The following GAST variants were observed in gnomAD, a reference collection of about 807,000 sequenced individuals.
The protein encoded by GAST is preprogastrin.
In GAST, 9 loss-of-function variants were observed where a neutral mutation model predicts 12.5. The observed-to-expected ratio is 0.72, with a 90% CI of 0.43 to 1.25. The LOEUF is 1.25. Ranked by LOEUF, GAST falls within the 50% of genes most tolerant of loss-of-function variation. The pLI, the probability that GAST is intolerant of heterozygous loss-of-function variation, is 0.00. For synonymous variants in GAST, 52 were observed against 51.1 expected, an observed-to-expected ratio of 1.02 and a Z score of -0.08; for missense variants, 121 against 127.7, an observed-to-expected ratio of 0.95 and a Z score of 0.25.
At chr17:41,713,572 T>G (rs1027138702) in intron 1 of GAST, among the ~76,000 whole-genome samples, 21 of 152,062 alleles carry the variant, frequency 1.4e-4, no homozygotes, top group Admixed American at 3.9e-4. Flanking sequence ...TAGTGCACAC[T>G]TGTAGTCCCA....
chr17:41,715,523 G>T lies in GAST; in HGVS notation c.87G>T (p.Gln29His), dbSNP rs781901913. ...SEASWKPRSQ[Q>H]PDAPLGTGAN... ...CTTCTTGGAAGCCCCGCTCCCAGCA[G>T]CCAGATGCACCCTTAGGTACAGGGG... The change falls in exon 2 of 3, where the codon CAG becomes CAT. Residue 29 changes from glutamine (Q) to histidine (H), a missense_variant. Physicochemically the swap from Gln to His is conservative, Grantham distance 24. Transcript: ENST00000329402. 1.2e-6 allele frequency: 2 copies of T among 1,613,554 alleles called. No individual in the cohort carries two copies. The highest frequency in any genetic ancestry group is 3.3e-5 in the Admixed American group (2 of 59,994).
chr17:41,713,643 G>A (rs1198108251), intron 1 of GAST, among the ~76,000 whole-genome samples: 1 of 152,140 alleles, frequency 6.6e-6, no homozygotes, highest in East Asian at 1.9e-4. Context: ...GCTGCAGCGA[G>A]TCAGGATCAC....
At chr17:41,713,321 T>A (rs527936469) in intron 1 of GAST, among the ~76,000 whole-genome samples, 43 of 152,294 alleles carry the variant, frequency 2.8e-4, no homozygotes, top group African/African-American at 9.1e-4. Flanking sequence ...CAGCTCCAGA[T>A]CACTGATTTT....
In GAST at chr17:41,715,775, C is replaced by T; in HGVS notation, c.212-3C>T. 1 of 1,607,186 alleles carries T rather than the reference C, an allele frequency of 6.2e-7. No individual in the cohort carries two copies. The highest frequency in any genetic ancestry group is 8.5e-7 in the Non-Finnish European group (1 of 1,177,516). ...CCCATTCTCGCCTCTCTCACCTCCT[C>T]AGACCCGTCCAAGAAGCAGGGACCA... On this transcript the variant is annotated splice_polypyrimidine_tract_variant and splice_region_variant and intron_variant, in intron 2 of 2. Transcript: ENST00000329402.
At position 41,715,882 on chromosome 17, in the gene GAST, A is replaced by T; in HGVS notation, c.*10A>T. The T allele has an allele frequency of 6.3e-7, 1 of 1,588,806 alleles. No homozygotes were observed. The highest frequency in any genetic ancestry group is 1.2e-5 in the South Asian group (1 of 86,672). ...TGAGGATGAGAACTAACAATCCTAG[A>T]ACCAAGCTTCAGAGCCTAGCCACCT... On this transcript the variant is annotated 3_prime_UTR_variant, in exon 3 of 3. Transcript: ENST00000329402.
At chr17:41,712,486 AC>A (rs1340682874) in intron 1 of GAST, 99 bp downstream of exon 1, 1 of 152,252 alleles carries the variant, frequency 6.6e-6, no homozygotes, top group African/African-American at 2.4e-5. Flanking sequence ...TCTGGGGCTC[AC>A]CCCTTGGGGT....
rs782357713 is a variant in GAST, at chr17:41,715,546, G to A, written c.110G>A (p.Gly37Glu). The A allele has an allele frequency of 1.2e-6, 2 of 1,613,472 alleles. No individual in the cohort carries two copies. Among genetic ancestry groups the A allele is most frequent in the Non-Finnish European group, 1.7e-6 (2 of 1,180,030 alleles). The stretch of plus-strand genomic sequence containing the variant: ...CAGCCAGATGCACCCTTAGGTACAG[G>A]GGCCAACAGGGACCTGGAGCTACCC... Reference protein sequence around the residue: ...SQQPDAPLGTGANRDLELPWL... With the variant: ...SQQPDAPLGTEANRDLELPWL... The change falls in exon 2 of 3, where the codon GGG becomes GAG. Residue 37 changes from glycine (G) to glutamate (E), a missense_variant. Coordinates refer to ENST00000329402, the MANE Select transcript of GAST (RefSeq NM_000805.5).
chr17:41,714,906 C>T (rs559850211), intron 1 of GAST, among the ~76,000 whole-genome samples: 11 of 152,260 alleles, frequency 7.2e-5, no homozygotes, highest in African/African-American at 1.2e-4. Context: ...TGGCTGTAAT[C>T]GGGGTAGGTA....
chr17:41,713,714 A>G (rs534128451), intron 1 of GAST, among the ~76,000 whole-genome samples: 16 of 152,232 alleles, frequency 1.1e-4, no homozygotes, highest in African/African-American at 3.9e-4. Context: ...AAAAGAAAAG[A>G]AAAAAAGAAA....
intron 1 of GAST, among the ~76,000 whole-genome samples, chr17:41,713,105 CAG>C (rs971984696): frequency 6.6e-6 from 1 of 152,072 alleles, no homozygotes; most frequent in Non-Finnish European, 1.5e-5. Context: ...TTGGTAGAGA[CAG>C]AGTTTCACCA....
chr17:41,712,934 G>GT (rs890310006), intron 1 of GAST, among the ~76,000 whole-genome samples: 9 of 152,072 alleles, frequency 5.9e-5, no homozygotes, highest in African/African-American at 2.2e-4. Context: ...TGTTGTTGTT[G>GT]TTGTTTGTTT....
In GAST at chr17:41,715,663, T is replaced by A; in HGVS notation, c.211+16T>A. ...CTCGTGGCAGGTAGGAGCTGCTGAC[T>A]GCCCTGCTTGCCTCACTTGGCCAGG... On this transcript the variant is annotated intron_variant, in intron 2 of 2. Coordinates refer to ENST00000329402, the MANE Select transcript of GAST (RefSeq NM_000805.5). 10 of 1,610,522 alleles carry A rather than the reference T, an allele frequency of 6.2e-6. No individual in the cohort carries two copies. The highest frequency in any genetic ancestry group is 8.5e-6 in the Non-Finnish European group (10 of 1,177,850).
At chr17:41,714,687 A>C (rs1910929623) in intron 1 of GAST, among the ~76,000 whole-genome samples, 1 of 152,062 alleles carries the variant, frequency 6.6e-6, no homozygotes, top group African/African-American at 2.4e-5. Context: ...AGGTGGGAGG[A>C]TCACCTGAGC....
rs144507633 is a variant in GAST at position 41,715,011 on chromosome 17, C to T, written c.-5-421C>T. Among the ~76,000 whole-genome samples, 167 of 152,166 alleles carry T rather than the reference C, an allele frequency of 1.1e-3. 3 individuals carry two copies. The highest frequency in any genetic ancestry group is 3.5e-3 in the African/African-American group (145 of 41,524). On this transcript the variant is annotated intron_variant, in intron 1 of 2. Coordinates refer to ENST00000329402, the MANE Select transcript of GAST (RefSeq NM_000805.5). The stretch of plus-strand genomic sequence containing the variant: ...TAGTCCACAACTCCACACAGAATTG[C>T]AGACTCACCCGGGTGCGGTGGCTCA...
chr17:41,713,261 G>A (rs1027170060), intron 1 of GAST, among the ~76,000 whole-genome samples: 1 of 152,146 alleles, frequency 6.6e-6, no homozygotes, highest in Admixed American at 6.6e-5. Flanking sequence ...AGCCACATGT[G>A]GCTGGTGGCT....
At position 41,714,276 on chromosome 17, in the gene GAST, G is replaced by A. The variant is rs531834125; in HGVS notation, c.-5-1156G>A. On this transcript the variant is annotated intron_variant, in intron 1 of 2. Transcript: ENST00000329402. ...CAACCTCCACCTCCCCGGTTCAAGC[G>A]ATCCTCCCACCTCGGCCTCCCAAGT... Among the ~76,000 whole-genome samples, 16 of 152,204 alleles carry A rather than the reference G, an allele frequency of 1.1e-4. No individual in the cohort carries two copies. In the East Asian group the frequency reaches 2.9e-3, roughly 28 times the overall value.
chr17:41,715,568 A>G lies in GAST; in HGVS notation c.132A>G (p.Leu44=). Residue 44 remains leucine, a synonymous_variant, in exon 2 of 3, where the codon CTA becomes CTG. Coordinates refer to ENST00000329402, the MANE Select transcript of GAST (RefSeq NM_000805.5). ...LGTGANRDLE[L]PWLEQQGPAS... ...CAGGGGCCAACAGGGACCTGGAGCT[A>G]CCCTGGCTGGAGCAGCAGGGCCCAG... is the stretch of plus-strand genomic sequence containing the variant. The G allele has an allele frequency of 6.2e-7, 1 of 1,613,596 alleles. No individual in the cohort carries two copies.
At chr17:41,714,756 C>T (rs1257619123) in intron 1 of GAST, among the ~76,000 whole-genome samples, 2 of 152,028 alleles carry the variant, frequency 1.3e-5, no homozygotes, top group Non-Finnish European at 2.9e-5. Flanking sequence ...GCCTGGGCGA[C>T]AGAGTGAGAC....
intron 1 of GAST, among the ~76,000 whole-genome samples, chr17:41,713,539 A>AC (rs1910905698): frequency 6.6e-6 from 1 of 151,982 alleles, no homozygotes; most frequent in East Asian, 1.9e-4. Context: ...AAAAATAAAA[A>AC]CAAAAAAATT....
Sources: gnomAD v4.1 joint callset for allele counts (sites outside exome capture counted in the v4.1 genomes callset) on GRCh38, gnomAD v4.1.1 for gene constraint, MANE v1.5 for transcripts, NCBI Gene and HGNC (gene_info 2026-07-23, HGNC 2026-07-21) for gene names.